The following TMEM178B variants were observed in gnomAD, a reference collection of about 807,000 sequenced individuals.
The protein encoded by TMEM178B is transmembrane protein 178B.
A neutral mutation model predicts 31.0 loss-of-function variants in TMEM178B; 5 were observed. The observed-to-expected ratio is 0.16, with a 90% CI of 0.08 to 0.34. TMEM178B has a LOEUF of 0.34. Among genes scored for constraint, TMEM178B ranks in the 10% least tolerant of loss-of-function variants. The pLI is 1.00. For missense variants in TMEM178B, 275 were observed against 400.3 expected (o/e 0.69, Z 2.67); for synonymous variants, 164 against 164.0 (o/e 1.00, Z 0.00).
chr7:141,277,989 G>C (rs1249968738), intron 2 of TMEM178B, among the ~76,000 whole-genome samples: 3 of 152,194 alleles, frequency 2.0e-5, no homozygotes, highest in Non-Finnish European at 4.4e-5. Flanking sequence ...AGTCAGATAA[G>C]AGCAGAAGAC....
intron 2 of TMEM178B, among the ~76,000 whole-genome samples, chr7:141,416,782 T>A (rs1463622628): frequency 1.3e-5 from 2 of 152,072 alleles, no homozygotes; most frequent in African/African-American, 2.4e-5. Context: ...TTGGCACACA[T>A]GGGGCTAACG....
chr7:141,203,048 T>TAAA (rs1796904006), intron 1 of TMEM178B, among the ~76,000 whole-genome samples: 1 of 152,216 alleles, frequency 6.6e-6, no homozygotes, highest in African/African-American at 2.4e-5. Flanking sequence ...CCAACTCTCG[T>TAAA]GGTCTTCTAA....
chr7:141,266,844 G>A (rs1043903726), intron 2 of TMEM178B, among the ~76,000 whole-genome samples: 4 of 152,232 alleles, frequency 2.6e-5, no homozygotes, highest in Non-Finnish European at 4.4e-5. Flanking sequence ...GATAGGAGAG[G>A]ACAACCAGAC....
At chr7:141,156,728 T>C (rs1191559037) in intron 1 of TMEM178B, among the ~76,000 whole-genome samples, 1 of 152,228 alleles carries the variant, frequency 6.6e-6, no homozygotes, top group African/African-American at 2.4e-5. Context: ...TTGGTTGGCA[T>C]CTCAGATTTC....
At position 141,074,176 on chromosome 7, in the gene TMEM178B, C is replaced by T; in HGVS notation, c.-135C>T. 1.5e-6 allele frequency: 2 copies of T among 1,290,642 alleles called. No homozygotes were observed. The highest frequency in any genetic ancestry group is 3.1e-5 in the African/African-American group (2 of 65,000). 79.9% of individuals were successfully genotyped at this position (1,290,642 alleles called of 1,614,324 possible). A position where few individuals can be genotyped will look rare whatever the true frequency, so the allele number is the denominator to read the frequency against. The stretch of plus-strand genomic sequence containing the variant: ...GGGCCGTGCTCCGGTAGGCGGGGGC[C>T]GAGGGGGCGCCGCGGCGCGAGTCCC... On this transcript the variant is annotated 5_prime_UTR_variant, in exon 1 of 4. Coordinates refer to ENST00000565468, the MANE Select transcript of TMEM178B (RefSeq NM_001195278.2). This position sits in a 1 kb window ranked among gnomAD's most constrained non-coding sequence, Gnocchi z 5.1.
intron 1 of TMEM178B, among the ~76,000 whole-genome samples, chr7:141,123,326 C>G (rs1315865658): frequency 6.6e-6 from 1 of 152,194 alleles, no homozygotes; most frequent in African/African-American, 2.4e-5. Flanking sequence ...CTGGTGGTGT[C>G]ACTGTCTGTC....
intron 2 of TMEM178B, among the ~76,000 whole-genome samples, chr7:141,334,229 C>T (rs1799345593): frequency 6.6e-6 from 1 of 152,182 alleles, no homozygotes; most frequent in African/African-American, 2.4e-5. Context: ...GGGTTTTGGT[C>T]AGACCGATGT....
At chr7:141,396,186 G>A (rs897792381) in intron 2 of TMEM178B, among the ~76,000 whole-genome samples, 4 of 151,512 alleles carry the variant, frequency 2.6e-5, no homozygotes, top group East Asian at 3.9e-4. Flanking sequence ...GGAAAGAGTG[G>A]CATTGTCAGG....
At chr7:141,182,976 A>G (rs1306987710) in intron 1 of TMEM178B, among the ~76,000 whole-genome samples, 5 of 152,218 alleles carry the variant, frequency 3.3e-5, no homozygotes, top group Non-Finnish European at 7.3e-5. Flanking sequence ...TGAATAGTCA[A>G]CATGTTGAAA....
chr7:141,099,297 C>T (rs1795014439), intron 1 of TMEM178B, among the ~76,000 whole-genome samples: 1 of 152,162 alleles, frequency 6.6e-6, no homozygotes, highest in Non-Finnish European at 1.5e-5. Context: ...GATATGGAGA[C>T]TAAGCTTTAG....
At chr7:141,220,311 AAATAATAATAATAATAATAAT>A (rs143440134) in intron 2 of TMEM178B, among the ~76,000 whole-genome samples, 61,125 of 140,496 alleles carry the variant, frequency 0.44, 13,683 homozygotes, top group East Asian at 0.73. Flanking sequence ...ACTCCATCTC[AAATAATAATAATAATAATAAT>A]AATAATAATA....
At chr7:141,207,322 A>G (rs1453113974) in intron 1 of TMEM178B, among the ~76,000 whole-genome samples, 1 of 152,220 alleles carries the variant, frequency 6.6e-6, no homozygotes, top group Non-Finnish European at 1.5e-5. Flanking sequence ...GCCCAGGAGT[A>G]AGATTGCTGG....
At chr7:141,456,403 AC>A (rs895012907) in intron 3 of TMEM178B, among the ~76,000 whole-genome samples, 1 of 151,942 alleles carries the variant, frequency 6.6e-6, no homozygotes, top group African/African-American at 2.4e-5. Context: ...ACAAAACCAC[AC>A]CCTTGTATGT....
chr7:141,453,009 A>AG (rs1801897427), intron 3 of TMEM178B, among the ~76,000 whole-genome samples: 1 of 152,208 alleles, frequency 6.6e-6, no homozygotes, highest in African/African-American at 2.4e-5. Flanking sequence ...CACTGCCTCC[A>AG]TGACACCCTT....
intron 1 of TMEM178B, among the ~76,000 whole-genome samples, chr7:141,089,550 C>T (rs907420539): frequency 4.6e-5 from 7 of 152,208 alleles, no homozygotes; most frequent in African/African-American, 1.4e-4. Context: ...GCTATAAAGA[C>T]ACATGCACAC....
At chr7:141,334,148 C>T (rs560994587) in intron 2 of TMEM178B, among the ~76,000 whole-genome samples, 1 of 152,178 alleles carries the variant, frequency 6.6e-6, no homozygotes, top group Non-Finnish European at 1.5e-5. Flanking sequence ...GGGATAGAAA[C>T]CAGTATTGAT....
chr7:141,261,926 A>G (rs1586856865), intron 2 of TMEM178B, among the ~76,000 whole-genome samples: 3 of 152,286 alleles, frequency 2.0e-5, no homozygotes, highest in South Asian at 2.1e-4. Context: ...CCTGTTTCCA[A>G]CAAAATAAAT....
chr7:141,403,991 G>A (rs192621313), intron 2 of TMEM178B, among the ~76,000 whole-genome samples: 22 of 152,264 alleles, frequency 1.4e-4, no homozygotes, highest in East Asian at 1.4e-3. Context: ...ATAACCACCT[G>A]TCATATACCA....
At chr7:141,385,713 C>T (rs1282742968) in intron 2 of TMEM178B, among the ~76,000 whole-genome samples, 2 of 152,228 alleles carry the variant, frequency 1.3e-5, no homozygotes, top group Non-Finnish European at 2.9e-5. Context: ...GCACCATTAG[C>T]ACCTTTCCTG....
Sources: gnomAD v4.1 joint callset for allele counts (sites outside exome capture counted in the v4.1 genomes callset) on GRCh38, gnomAD v4.1.1 for gene constraint, Gnocchi (gnomAD v3.1) non-coding constraint, MANE v1.5 for transcripts, NCBI Gene and HGNC (gene_info 2026-07-23, HGNC 2026-07-21) for gene names.